ZNF487: variants seen among roughly 807,000 people sequenced by gnomAD.
The protein encoded by ZNF487 is zinc finger protein 487.
ZNF487 carries 4 observed loss-of-function variants against 3.0 expected under a neutral mutation model. The observed-to-expected ratio is 1.35, with a 90% CI of 0.66 to 3.08. The LOEUF (loss-of-function observed/expected upper bound fraction) is 3.08, where lower values mean the gene tolerates loss of function less well. Among genes scored for constraint, ZNF487 ranks in the 30% most tolerant of loss-of-function variants. ZNF487 has a pLI of 0.01. For synonymous variants in ZNF487, 55 were observed against 34.6 expected, an observed-to-expected ratio of 1.59 and a Z score of -2.06; for missense variants, 146 against 98.7, an observed-to-expected ratio of 1.48 and a Z score of -2.03.
chr10:43,458,226 C>G (rs973216339), intron 1 of ZNF487: 1 of 152,116 alleles, frequency 6.6e-6, no homozygotes, highest in Admixed American at 6.6e-5. Context: ...ATGACATGCG[C>G]CAATGTGGGC....
intron 1 of ZNF487, among the ~76,000 whole-genome samples, chr10:43,474,905 T>G (rs554108274): frequency 1.3e-5 from 2 of 152,090 alleles, no homozygotes; most frequent in South Asian, 4.2e-4. Context: ...TTAATCAATT[T>G]TTTAAAAAAT....
the ZNF487 span, among the ~76,000 whole-genome samples, chr10:43,516,435 G>A: frequency 7.9e-5 from 12 of 152,026 alleles, no homozygotes; most frequent in South Asian, 2.1e-4. Context: ...TCTGTATTAC[G>A]GTTCTCTAGA....
intron 1 of ZNF487, among the ~76,000 whole-genome samples, chr10:43,465,096 AC>A (rs1290151163): frequency 9.6e-6 from 1 of 104,482 alleles, no homozygotes; most frequent in Non-Finnish European, 1.8e-5. Context: ...CGGGGGGCTG[AC>A]CCCCCCACCT....
chr10:43,464,181 T>C (rs1303249413), intron 1 of ZNF487, among the ~76,000 whole-genome samples: 1 of 150,470 alleles, frequency 6.6e-6, no homozygotes, highest in Non-Finnish European at 1.5e-5. Context: ...ACTTTTTTTT[T>C]CTTTTTTTTT....
intron 3 of ZNF487, among the ~76,000 whole-genome samples, chr10:43,480,731 T>C (rs575563431): frequency 0.028 from 4,230 of 151,978 alleles, 90 homozygotes; most frequent in South Asian, 0.04. Flanking sequence ...TCTCTCTCTT[T>C]TTTTTTTTTA....
At chr10:43,504,293 C>CTTT in the ZNF487 span, among the ~76,000 whole-genome samples, 302 of 108,926 alleles carry the variant, frequency 2.8e-3, 9 homozygotes, top group South Asian at 5.2e-3. Context: ...TTCTTTCTTT[C>CTTT]TTTTTTTTTT....
chr10:43,517,434 T>C, the ZNF487 span, among the ~76,000 whole-genome samples: 2 of 152,228 alleles, frequency 1.3e-5, no homozygotes, highest in African/African-American at 4.8e-5. Flanking sequence ...TCTGTCCACA[T>C]TGCAATATGA....
intron 1 of ZNF487, among the ~76,000 whole-genome samples, chr10:43,473,619 C>T (rs926527496): frequency 3.3e-5 from 5 of 151,674 alleles, no homozygotes; most frequent in African/African-American, 9.7e-5. Flanking sequence ...CCCGGGTTCA[C>T]GCCATTCTCC....
chr10:43,488,374 CAAAG>C, the ZNF487 span, among the ~76,000 whole-genome samples: 1 of 151,780 alleles, frequency 6.6e-6, no homozygotes, highest in Admixed American at 6.6e-5. Context: ...TATATTTGCT[CAAAG>C]AAACTGGAAA....
the ZNF487 span, among the ~76,000 whole-genome samples, chr10:43,494,637 G>A: frequency 7.2e-5 from 11 of 151,824 alleles, no homozygotes; most frequent in African/African-American, 2.7e-4. Flanking sequence ...TATACCTTAG[G>A]GAGTGCTTAA....
At chr10:43,509,173 G>A in the ZNF487 span, among the ~76,000 whole-genome samples, 1 of 143,222 alleles carries the variant, frequency 7.0e-6, no homozygotes, top group African/African-American at 2.6e-5. Context: ...CAGCGTGGGT[G>A]ACAGAGCAAG....
intron 1 of ZNF487, among the ~76,000 whole-genome samples, chr10:43,463,686 A>G (rs1024201687): frequency 2.1e-5 from 3 of 145,548 alleles, no homozygotes; most frequent in African/African-American, 7.6e-5. Flanking sequence ...CACCTCACCT[A>G]GCCTCACAAC....
intron 1 of ZNF487, among the ~76,000 whole-genome samples, chr10:43,470,550 A>AT (rs1217127714): frequency 6.6e-6 from 1 of 151,672 alleles, no homozygotes; most frequent in Non-Finnish European, 1.5e-5. Context: ...CACCTGGCTA[A>AT]TTTTTTTGTA....
intron 1 of ZNF487, among the ~76,000 whole-genome samples, chr10:43,469,353 C>T (rs994569424): frequency 8.6e-5 from 13 of 151,954 alleles, no homozygotes; most frequent in African/African-American, 3.1e-4. Context: ...TGCACCACAC[C>T]CGGCTAATTT....
At chr10:43,462,437 T>C (rs2132094533) in intron 1 of ZNF487, among the ~76,000 whole-genome samples, 1 of 150,766 alleles carries the variant, frequency 6.6e-6, no homozygotes, top group Non-Finnish European at 1.5e-5. Context: ...AACCCGGCAT[T>C]GAGCAAATCT....
At chr10:43,478,910 C>CTT (rs925612956) in intron 3 of ZNF487, among the ~76,000 whole-genome samples, 4 of 139,022 alleles carry the variant, frequency 2.9e-5, no homozygotes, top group African/African-American at 5.3e-5. Context: ...TTTCTTTTTT[C>CTT]TTTTTTTTTT....
chr10:43,505,519 G>T, the ZNF487 span, among the ~76,000 whole-genome samples: 1 of 151,980 alleles, frequency 6.6e-6, no homozygotes, highest in Non-Finnish European at 1.5e-5. Context: ...TCCTGACCTT[G>T]TGATCTGCCC....
chr10:43,502,922 T>C, the ZNF487 span, among the ~76,000 whole-genome samples: 243 of 151,208 alleles, frequency 1.6e-3, 3 homozygotes, highest in African/African-American at 5.7e-3. Context: ...TCTCAGCTAT[T>C]CAAGAGGCTG....
chr10:43,443,547 T>C (rs1429748832), intron 1 of ZNF487, among the ~76,000 whole-genome samples: 1 of 145,550 alleles, frequency 6.9e-6, no homozygotes, highest in Non-Finnish European at 1.5e-5. Flanking sequence ...CTAATTTTTG[T>C]ATTTTTAGTA....
Sources: gnomAD v4.1 joint callset for allele counts (sites outside exome capture counted in the v4.1 genomes callset) on GRCh38, gnomAD v4.1.1 for gene constraint, MANE v1.5 for transcripts, NCBI Gene and HGNC (gene_info 2026-07-23, HGNC 2026-07-21) for gene names.